NEK7: variants seen among roughly 807,000 people sequenced by gnomAD.
NEK7 encodes serine/threonine-protein kinase Nek7.
Under a neutral mutation model 44.6 loss-of-function variants are expected in NEK7, and 18 were observed. That is an observed-to-expected ratio of 0.40 (90% confidence interval 0.28 to 0.60). The LOEUF (loss-of-function observed/expected upper bound fraction) is 0.60. Among genes scored for constraint, NEK7 ranks in the 20% least tolerant of loss-of-function variants. NEK7 has a pLI of 0.38. For missense variants in NEK7, 256 were observed against 366.5 expected, an observed-to-expected ratio of 0.70 and a Z score of 2.46; for synonymous variants, 130 against 121.1, an observed-to-expected ratio of 1.07 and a Z score of -0.48.
intron 1 of NEK7, among the ~76,000 whole-genome samples, chr1:198,205,786 G>A (rs1558055492): frequency 6.6e-6 from 1 of 152,002 alleles, no homozygotes; most frequent in African/African-American, 2.4e-5. Flanking sequence ...AAACTACAGA[G>A]TAAGAGCGAA....
chr1:198,225,582 A>G (rs910590066), intron 1 of NEK7, among the ~76,000 whole-genome samples: 2 of 152,114 alleles, frequency 1.3e-5, no homozygotes, highest in Non-Finnish European at 2.9e-5. Context: ...TACCTCTCTC[A>G]TATCAAATGG....
chr1:198,204,871 A>T (rs1311067622), intron 1 of NEK7, among the ~76,000 whole-genome samples: 1 of 152,084 alleles, frequency 6.6e-6, no homozygotes, highest in Non-Finnish European at 1.5e-5. Flanking sequence ...AAAAAAAAGG[A>T]ATGGGGAGAT....
chr1:198,275,486 C>T (rs761254726), intron 5 of NEK7, among the ~76,000 whole-genome samples: 18 of 149,754 alleles, frequency 1.2e-4, no homozygotes, highest in Admixed American at 1.1e-3. Flanking sequence ...ACTTTTTACA[C>T]GTTGGCATTA....
At chr1:198,164,760 CTG>C (rs1664215733) in intron 1 of NEK7, among the ~76,000 whole-genome samples, 1 of 152,136 alleles carries the variant, frequency 6.6e-6, no homozygotes, top group Non-Finnish European at 1.5e-5. Context: ...AGGCTGGTGG[CTG>C]TGTCGTTTTC....
chr1:198,164,153 G>A (rs183925909), intron 1 of NEK7, among the ~76,000 whole-genome samples: 22 of 152,252 alleles, frequency 1.4e-4, no homozygotes, highest in Admixed American at 9.8e-4. Context: ...TAGTTCTCCC[G>A]TTTACTCCTC....
At chr1:198,284,371 G>C (rs1373217998) in intron 7 of NEK7, among the ~76,000 whole-genome samples, 1 of 152,000 alleles carries the variant, frequency 6.6e-6, no homozygotes, top group Non-Finnish European at 1.5e-5. Flanking sequence ...ACATTGCTTA[G>C]GAGCCTACAT....
intron 1 of NEK7, among the ~76,000 whole-genome samples, chr1:198,186,618 C>T (rs1264745481): frequency 1.3e-5 from 2 of 152,188 alleles, no homozygotes; most frequent in African/African-American, 4.8e-5. Flanking sequence ...ACAGTCTTTC[C>T]TGACAGTCCA....
rs145858273 is a variant in NEK7, at chr1:198,194,715, C to T, written c.-29+37439C>T. Among the ~76,000 whole-genome samples the T allele has an allele frequency of 7.2e-4, 110 of 152,186 alleles. 1 individual carries two copies. Among genetic ancestry groups the T allele is most frequent in the Admixed American group, 5.9e-3 (91 of 15,306 alleles). ...ACCACATTTTCTTTATCCAGTCTAC[C>T]AATAATGGCCATTTAGGTTGATTCT... On this transcript the variant is annotated intron_variant, in intron 1 of 9. Coordinates refer to ENST00000367385, the MANE Select transcript of NEK7 (RefSeq NM_133494.3).
intron 1 of NEK7, among the ~76,000 whole-genome samples, chr1:198,201,008 G>GTGTTT (rs1189772372): frequency 3.3e-5 from 5 of 152,198 alleles, no homozygotes; most frequent in Non-Finnish European, 7.3e-5. Flanking sequence ...TGGAGATTAT[G>GTGTTT]TGTTTATTCA....
At chr1:198,286,647 A>G (rs1444379868) in intron 7 of NEK7, among the ~76,000 whole-genome samples, 1 of 152,238 alleles carries the variant, frequency 6.6e-6, no homozygotes, top group Non-Finnish European at 1.5e-5. Flanking sequence ...TCTGTTCTGT[A>G]GGTCAGAAGT....
chr1:198,198,139 G>C (rs966935095), intron 1 of NEK7: 1 of 857,936 alleles, frequency 1.2e-6, no homozygotes, highest in South Asian at 1.4e-5. Flanking sequence ...ACCCTATGGT[G>C]GGGGGATATG....
At chr1:198,311,705 T>C (rs1042841218) in intron 9 of NEK7, among the ~76,000 whole-genome samples, 1 of 152,226 alleles carries the variant, frequency 6.6e-6, no homozygotes, top group Non-Finnish European at 1.5e-5. Flanking sequence ...TCATGTGGTT[T>C]TTCTGTTTGG....
chr1:198,284,018 A>G (rs1346614734), intron 7 of NEK7, among the ~76,000 whole-genome samples: 1 of 152,170 alleles, frequency 6.6e-6, no homozygotes, highest in Non-Finnish European at 1.5e-5. Flanking sequence ...TGAATTGGTC[A>G]ATCATAAATT....
intron 1 of NEK7, among the ~76,000 whole-genome samples, chr1:198,222,245 T>G (rs1360845223): frequency 6.6e-6 from 1 of 152,184 alleles, no homozygotes; most frequent in Non-Finnish European, 1.5e-5. Flanking sequence ...TTTGTAGTAC[T>G]TAAAAGATTT....
intron 2 of NEK7, among the ~76,000 whole-genome samples, chr1:198,248,496 A>G (rs1042646650): frequency 1.3e-5 from 2 of 152,166 alleles, no homozygotes; most frequent in Non-Finnish European, 2.9e-5. Context: ...TCTTCTATGT[A>G]TTTGGGTAAG....
chr1:198,255,409 C>T (rs1653221802), intron 3 of NEK7, among the ~76,000 whole-genome samples: 1 of 151,974 alleles, frequency 6.6e-6, no homozygotes. Flanking sequence ...TTCTCTGATT[C>T]TGAGTGTGGA....
chr1:198,203,749 T>C (rs1665505365), intron 1 of NEK7, among the ~76,000 whole-genome samples: 2 of 152,112 alleles, frequency 1.3e-5, no homozygotes, highest in Non-Finnish European at 2.9e-5. Context: ...CCCCCACATC[T>C]AAAGCAGGGG....
chr1:198,273,801 A>G (rs913680115), intron 5 of NEK7, among the ~76,000 whole-genome samples: 1 of 151,780 alleles, frequency 6.6e-6, no homozygotes, highest in Admixed American at 6.6e-5. Context: ...TTTAAGTATG[A>G]AATGTGCCAA....
chr1:198,305,283 A>G (rs886752157), intron 9 of NEK7, among the ~76,000 whole-genome samples: 2 of 152,198 alleles, frequency 1.3e-5, no homozygotes, highest in African/African-American at 2.4e-5. Context: ...AGGAATAGAT[A>G]TGAAGTTCTT....
Sources: gnomAD v4.1 joint callset for allele counts (sites outside exome capture counted in the v4.1 genomes callset) on GRCh38, gnomAD v4.1.1 for gene constraint, MANE v1.5 for transcripts, NCBI Gene and HGNC (gene_info 2026-07-23, HGNC 2026-07-21) for gene names.